FARP2: variants seen among roughly 807,000 people sequenced by gnomAD.
The protein encoded by FARP2 is FERM, ARHGEF and pleckstrin domain-containing protein 2.
FARP2 carries 111 observed loss-of-function variants against 130.5 expected under a neutral mutation model. That is an observed-to-expected ratio of 0.85 (90% confidence interval 0.73 to 1.00). The LOEUF (loss-of-function observed/expected upper bound fraction) is 1.00. Ranked by LOEUF, FARP2 falls within the 50% of genes least tolerant of loss-of-function variation. FARP2 has a pLI of 0.00. For missense variants in FARP2, 1,385 were observed against 1,346.3 expected (o/e 1.03, Z -0.45); for synonymous variants, 504 against 516.9 (o/e 0.98, Z 0.34).
chr2:241,491,404 C>G (rs2064903758), intron 23 of FARP2, 112 bp from the exon 24 acceptor site: 2 of 1,244,396 alleles, frequency 1.6e-6, no homozygotes, highest in Admixed American at 4.2e-5. Flanking sequence ...TGGCCTAGCA[C>G]CAAGGGCTCC....
intron 8 of FARP2, among the ~76,000 whole-genome samples, chr2:241,428,066 T>C (rs1351916116): frequency 6.6e-6 from 1 of 151,436 alleles, no homozygotes; most frequent in Admixed American, 6.6e-5. Context: ...ACGCCCAGCC[T>C]AGGCCCTCGG....
At chr2:241,471,159 G>A (rs1013034389) in intron 18 of FARP2, among the ~76,000 whole-genome samples, 15 of 150,684 alleles carry the variant, frequency 1.0e-4, no homozygotes, top group Non-Finnish European at 1.8e-4. Flanking sequence ...GTTCTGACGG[G>A]GGTCCTGTTC....
intron 1 of FARP2, 120 bp downstream of exon 1, chr2:241,356,508 C>G (rs923803170): frequency 2.6e-5 from 4 of 152,408 alleles, no homozygotes; most frequent in Non-Finnish European, 2.9e-5. Flanking sequence ...CGCGGTCCAC[C>G]AGAGATGGTC....
At chr2:241,406,426 G>C (rs147947195) in intron 4 of FARP2, among the ~76,000 whole-genome samples, 12 of 151,768 alleles carry the variant, frequency 7.9e-5, no homozygotes, top group African/African-American at 2.9e-4. Context: ...TATATAGAGA[G>C]AGAGAGAGAG....
intron 2 of FARP2, among the ~76,000 whole-genome samples, chr2:241,398,451 G>A (rs2062083385): frequency 6.6e-6 from 1 of 152,070 alleles, no homozygotes; most frequent in Non-Finnish European, 1.5e-5. Context: ...TTGCTTGTTT[G>A]TTCGTTGCTG....
At chr2:241,368,665 T>G (rs1281089231) in intron 1 of FARP2, among the ~76,000 whole-genome samples, 1 of 151,978 alleles carries the variant, frequency 6.6e-6, no homozygotes, top group Non-Finnish European at 1.5e-5. Flanking sequence ...AGAGATAGAG[T>G]CTCACTATGT....
intron 17 of FARP2, chr2:241,466,440 C>G (rs1349556839): frequency 2.7e-5 from 27 of 985,346 alleles, no homozygotes; most frequent in Non-Finnish European, 3.3e-5. Context: ...CACCACTCAC[C>G]ACTGCCAGGC....
At chr2:241,396,885 G>T (rs1055143347) in intron 2 of FARP2, among the ~76,000 whole-genome samples, 1 of 152,162 alleles carries the variant, frequency 6.6e-6, no homozygotes, top group Non-Finnish European at 1.5e-5. Context: ...ACATGCACAC[G>T]TGTGTTTCTT....
intron 16 of FARP2, 153 bp downstream of exon 16, chr2:241,463,621 T>C: frequency 1.2e-6 from 1 of 821,758 alleles, no homozygotes; most frequent in Non-Finnish European, 1.9e-6. Context: ...ACAGATGTAA[T>C]AATACCCTTT....
rs1013839388 is a variant in FARP2 at position 241,466,263 on chromosome 2, C to T, written c.1894-1877C>T. 7.5e-5 allele frequency: 74 copies of T among 985,418 alleles called. 1 individual carries two copies. The South Asian group carries it at 9.9e-4, about 13-fold the overall frequency. The allele number at this position is 985,418 out of a possible 1,614,324, so 61.0% of individuals were successfully genotyped here. On this transcript the variant is annotated intron_variant, in intron 17 of 26. Transcript: ENST00000264042. The stretch of plus-strand genomic sequence containing the variant: ...AGTGCAAGTGTGGTCCCTGGAGCCC[C>T]GGTGTGGAGTGGTGAGTCCCGGAGT...
rs984685167 is a variant in FARP2 at position 241,475,342 on chromosome 2, G to T, written c.2132-515G>T. Among the ~76,000 whole-genome samples, 3 of 152,198 alleles carry T rather than the reference G, an allele frequency of 2.0e-5. No individual in the cohort carries two copies. Among genetic ancestry groups the T allele is most frequent in the African/African-American group, 7.2e-5 (3 of 41,436 alleles). On this transcript the variant is annotated intron_variant, in intron 18 of 26. Coordinates refer to ENST00000264042, the MANE Select transcript of FARP2 (RefSeq NM_014808.4). This position sits in a 1 kb window ranked among gnomAD's most constrained non-coding sequence, Gnocchi z 4.4. ...GTCCTATAAGTCCTATAAGGCAGGGGTCCCCAGTGCCCATGGCTATGGACT... is the reference window on the plus strand; with the variant it reads ...GTCCTATAAGTCCTATAAGGCAGGGTTCCCCAGTGCCCATGGCTATGGACT...
intron 4 of FARP2, 75 bp downstream of exon 4, chr2:241,404,916 C>A: frequency 8.9e-7 from 1 of 1,118,018 alleles, no homozygotes; most frequent in South Asian, 1.3e-5. Flanking sequence ...AAGGCATGTT[C>A]AACTGTTCAT....
intron 21 of FARP2, chr2:241,488,236 A>G (rs906844642): frequency 6.6e-6 from 1 of 152,112 alleles, no homozygotes; most frequent in Non-Finnish European, 1.5e-5. Flanking sequence ...TCACACCATC[A>G]TAAAGTTGAA....
Position 241,404,920 on chromosome 2 carries a change from T to A in FARP2, c.331+79T>A, listed in dbSNP as rs1044444902. On this transcript the variant is annotated intron_variant, in intron 4 of 26. Coordinates refer to ENST00000264042, the MANE Select transcript of FARP2 (RefSeq NM_014808.4). ...GGAATGTTTAAAAGGCATGTTCAAC[T>A]GTTCATTCTCACCACCGTGTATGGT... is the stretch of plus-strand genomic sequence containing the variant. The A allele has an allele frequency of 5.7e-6, 6 of 1,055,620 alleles. No homozygotes were observed. The African/African-American group carries it at 7.8e-5, about 14-fold the overall frequency. 65.4% of individuals were successfully genotyped at this position (1,055,620 alleles called of 1,614,324 possible).
chr2:241,407,659 G>A (rs752268280), intron 5 of FARP2, 44 bp downstream of exon 5: 3 of 1,423,864 alleles, frequency 2.1e-6, no homozygotes, highest in South Asian at 2.3e-5. Flanking sequence ...CAGGAATCTT[G>A]TATTCACCTG....
At chr2:241,414,674 G>C (rs1220902108) in intron 7 of FARP2, among the ~76,000 whole-genome samples, 1 of 152,196 alleles carries the variant, frequency 6.6e-6, no homozygotes, top group East Asian at 1.9e-4. Context: ...GTTTGCAGGG[G>C]AGTGCCTTTT....
intron 19 of FARP2, among the ~76,000 whole-genome samples, chr2:241,477,237 C>A (rs555120589): frequency 6.7e-6 from 1 of 149,246 alleles, no homozygotes; most frequent in Non-Finnish European, 1.5e-5. Context: ...TCAAGTGATT[C>A]TCCTGCCTCA....
intron 13 of FARP2, 54 bp downstream of exon 13, chr2:241,441,610 CAG>C (rs1559774129): frequency 6.2e-7 from 1 of 1,612,790 alleles, no homozygotes; most frequent in Non-Finnish European, 8.5e-7. Flanking sequence ...TGCTGGGGGG[CAG>C]AGTTTCAGTG....
chr2:241,370,556 G>GA (rs377478005), intron 1 of FARP2, among the ~76,000 whole-genome samples: 15 of 151,520 alleles, frequency 9.9e-5, no homozygotes, highest in Non-Finnish European at 1.5e-4. Context: ...TAAAAAATAA[G>GA]AAAAAAAATC....
Sources: allele counts gnomAD v4.1 joint callset (sites outside exome capture counted in the v4.1 genomes callset), GRCh38; gene constraint gnomAD v4.1.1; non-coding constraint Gnocchi (gnomAD v3.1); transcripts MANE v1.5; gene names NCBI Gene and HGNC (gene_info 2026-07-23, HGNC 2026-07-21).